The following PDLIM5 variants were observed in gnomAD, a reference collection of about 807,000 sequenced individuals.
PDLIM5 encodes the protein PDZ and LIM domain 5.
Under a neutral mutation model 64.2 loss-of-function variants are expected in PDLIM5, and 34 were observed. That is an observed-to-expected ratio of 0.53 (90% CI 0.40 to 0.71). PDLIM5 has a LOEUF of 0.71. Among genes scored for constraint, PDLIM5 ranks in the 30% least tolerant of loss-of-function variants. The pLI is 0.00. For synonymous variants in PDLIM5, 253 were observed against 269.1 expected (o/e 0.94, Z 0.59); for missense variants, 683 against 733.6 (o/e 0.93, Z 0.80).
chr4:94,540,020 A>C (rs545174563), intron 3 of PDLIM5, among the ~76,000 whole-genome samples: 4 of 152,190 alleles, frequency 2.6e-5, no homozygotes, highest in African/African-American at 7.2e-5. Flanking sequence ...AATACTACTA[A>C]TAATAATACT....
At chr4:94,481,559 G>A (rs1725851830) in intron 2 of PDLIM5, among the ~76,000 whole-genome samples, 1 of 151,610 alleles carries the variant, frequency 6.6e-6, no homozygotes, top group Non-Finnish European at 1.5e-5. Flanking sequence ...GGGATTATAG[G>A]CATGAGCCAC....
intron 3 of PDLIM5, among the ~76,000 whole-genome samples, chr4:94,538,894 A>G (rs549118238): frequency 6.6e-6 from 1 of 152,294 alleles, no homozygotes; most frequent in Non-Finnish European, 1.5e-5. Flanking sequence ...GTGTTGATGT[A>G]ATGACAGATT....
At chr4:94,629,637 G>A (rs995484369) in intron 8 of PDLIM5, among the ~76,000 whole-genome samples, 3 of 152,172 alleles carry the variant, frequency 2.0e-5, no homozygotes, top group East Asian at 1.9e-4. Flanking sequence ...TTTAATCTGC[G>A]TTCTTAAAGT....
chr4:94,631,571 G>C (rs75427379), intron 8 of PDLIM5, among the ~76,000 whole-genome samples: 3,743 of 152,226 alleles, frequency 0.025, 159 homozygotes, highest in East Asian at 0.15. Context: ...GTCCAGAAGT[G>C]AGTACTAGCA....
At chr4:94,622,272 G>A (rs1439862809) in intron 8 of PDLIM5, among the ~76,000 whole-genome samples, 1 of 152,134 alleles carries the variant, frequency 6.6e-6, no homozygotes, top group Admixed American at 6.5e-5. Flanking sequence ...ATGTGTTTAT[G>A]CGTTCCTGTT....
chr4:94,455,166 C>G, intron 1 of PDLIM5, 81 bp from the exon 2 acceptor site: 1 of 616,200 alleles, frequency 1.6e-6, no homozygotes, highest in Non-Finnish European at 2.9e-6. Context: ...TCTCACCCCC[C>G]TCAAACAAAA....
intron 2 of PDLIM5, among the ~76,000 whole-genome samples, chr4:94,493,008 A>G (rs1382532547): frequency 6.6e-6 from 1 of 152,172 alleles, no homozygotes; most frequent in Non-Finnish European, 1.5e-5. Flanking sequence ...TGAGGGCTGC[A>G]CTTTCTCCAT....
At position 94,640,315 on chromosome 4, in the gene PDLIM5, C is replaced by T; in HGVS notation, c.1148C>T (p.Ser383Leu). ...AGAATCTCAAACAGCGCTACTTACT[C>T]AGGATCAGTGGCACCAGCCAACTCA... is the stretch of plus-strand genomic sequence containing the variant. ...TGRISNSATY[S>L]GSVAPANSAL... Residue 383 changes from serine to leucine, a missense_variant, in exon 9 of 13, where the codon TCA becomes TTA. Transcript: ENST00000317968. 1 of 1,611,638 alleles carries T rather than the reference C, an allele frequency of 6.2e-7. No individual in the cohort carries two copies. The highest frequency in any genetic ancestry group is 8.5e-7 in the Non-Finnish European group (1 of 1,177,930).
At chr4:94,535,938 G>A (rs3792666) in intron 3 of PDLIM5, among the ~76,000 whole-genome samples, 67,351 of 149,890 alleles carry the variant, frequency 0.45, 16,509 homozygotes, top group South Asian at 0.69. Context: ...GATTTTATAA[G>A]TATTGTATTG....
intron 2 of PDLIM5, among the ~76,000 whole-genome samples, chr4:94,521,761 CA>C (rs1560674320): frequency 6.6e-6 from 1 of 151,918 alleles, no homozygotes; most frequent in Non-Finnish European, 1.5e-5. Flanking sequence ...ACACTTAGAA[CA>C]AATGCCCATA....
intron 8 of PDLIM5, among the ~76,000 whole-genome samples, chr4:94,636,698 T>C (rs1740598319): frequency 6.6e-6 from 1 of 152,034 alleles, no homozygotes; most frequent in South Asian, 2.1e-4. Context: ...CACGCGCAGC[T>C]AATTTTTTTT....
intron 3 of PDLIM5, among the ~76,000 whole-genome samples, chr4:94,535,796 C>G (rs1368095247): frequency 6.7e-6 from 1 of 149,826 alleles, no homozygotes; most frequent in Non-Finnish European, 1.5e-5. Context: ...GTGGAGCTCA[C>G]AGTGCTGGGC....
chr4:94,512,015 C>G (rs903445426), intron 2 of PDLIM5, among the ~76,000 whole-genome samples: 9 of 151,946 alleles, frequency 5.9e-5, no homozygotes, highest in Middle Eastern at 3.4e-3. Flanking sequence ...CTGGATCATA[C>G]AGTGGCTCTA....
At chr4:94,552,564 C>T (rs553195103) in intron 3 of PDLIM5, among the ~76,000 whole-genome samples, 33 of 151,998 alleles carry the variant, frequency 2.2e-4, no homozygotes, top group Middle Eastern at 3.4e-3. Context: ...TTTCTGATTA[C>T]GCATATGATC....
chr4:94,511,930 C>A (rs1055868251), intron 2 of PDLIM5, among the ~76,000 whole-genome samples: 4 of 152,050 alleles, frequency 2.6e-5, no homozygotes, highest in Admixed American at 6.6e-5. Flanking sequence ...ACTGCTGCAA[C>A]AAACATGAAA....
intron 5 of PDLIM5, among the ~76,000 whole-genome samples, chr4:94,580,314 G>A (rs902417756): frequency 1.3e-5 from 2 of 152,060 alleles, no homozygotes; most frequent in Non-Finnish European, 2.9e-5. Flanking sequence ...TTGGAAATTC[G>A]AAGTATCTGT....
intron 3 of PDLIM5, among the ~76,000 whole-genome samples, chr4:94,528,140 C>T (rs1455954316): frequency 1.3e-5 from 2 of 152,210 alleles, no homozygotes; most frequent in Admixed American, 6.5e-5. Context: ...CACCATCCTT[C>T]TCTTGCCTTT....
intron 2 of PDLIM5, chr4:94,455,692 C>A: frequency 1.7e-6 from 2 of 1,142,952 alleles, no homozygotes; most frequent in South Asian, 1.4e-5. Flanking sequence ...AATCTTCGTT[C>A]TTTCATATAT....
intron 2 of PDLIM5, among the ~76,000 whole-genome samples, chr4:94,509,646 T>C (rs2510794): frequency 0.21 from 31,974 of 152,082 alleles, 3,671 homozygotes; most frequent in East Asian, 0.26. Flanking sequence ...GATCACAAGG[T>C]CCCACAATAG....
Sources: gnomAD v4.1 joint callset for allele counts (sites outside exome capture counted in the v4.1 genomes callset) on GRCh38, gnomAD v4.1.1 for gene constraint, MANE v1.5 for transcripts, NCBI Gene and HGNC (gene_info 2026-07-23, HGNC 2026-07-21) for gene names.